Variants in GRID2 observed in about 807,000 individuals in gnomAD.
GRID2 encodes glutamate receptor ionotropic, delta-2.
GRID2 carries 33 observed loss-of-function variants against 114.8 expected under a neutral mutation model. The observed-to-expected ratio is 0.29, with a 90% CI of 0.22 to 0.38. The LOEUF (loss-of-function observed/expected upper bound fraction) is 0.38, where lower values mean the gene tolerates loss of function less well. Among genes scored for constraint, GRID2 ranks in the 10% least tolerant of loss-of-function variants. GRID2 has a pLI of 1.00. For synonymous variants in GRID2, 505 were observed against 449.9 expected (o/e 1.12, Z -1.55); for missense variants, 1,184 against 1,257.7 (o/e 0.94, Z 0.89).
chr4:92,655,565 T>C (rs1179184860), intron 2 of GRID2, among the ~76,000 whole-genome samples: 1 of 152,012 alleles, frequency 6.6e-6, no homozygotes, highest in Admixed American at 6.6e-5. Context: ...TGGTGTTTTA[T>C]AGTTTTCCTT....
chr4:93,273,360 ATT>A (rs1380271757), intron 8 of GRID2, among the ~76,000 whole-genome samples: 2 of 152,156 alleles, frequency 1.3e-5, no homozygotes, highest in Admixed American at 1.3e-4. Flanking sequence ...GAATGATTTC[ATT>A]TTTAAAAAGA....
chr4:93,134,613 A>G (rs1355635089), intron 4 of GRID2, among the ~76,000 whole-genome samples: 1 of 152,202 alleles, frequency 6.6e-6, no homozygotes, highest in Non-Finnish European at 1.5e-5. Flanking sequence ...GCTCAGTTTT[A>G]TGAACATAAT....
At chr4:93,764,791 A>G (rs571921428) in intron 14 of GRID2, among the ~76,000 whole-genome samples, 202 of 152,304 alleles carry the variant, frequency 1.3e-3, no homozygotes, top group African/African-American at 4.6e-3. Context: ...CAATAACCAC[A>G]GTAACTCTTT....
intron 1 of GRID2, among the ~76,000 whole-genome samples, chr4:92,530,834 G>C (rs1261356867): frequency 6.6e-6 from 1 of 151,960 alleles, no homozygotes; most frequent in East Asian, 1.9e-4. Context: ...TTGAACCTGG[G>C]AGGTGGAGGT....
intron 1 of GRID2, among the ~76,000 whole-genome samples, chr4:92,384,539 TA>T (rs1729802914): frequency 6.6e-5 from 3 of 45,500 alleles, no homozygotes; most frequent in African/African-American, 2.3e-4. Flanking sequence ...ATATATAATA[TA>T]ATATATAATA....
At chr4:93,735,147 G>C (rs931983056) in intron 14 of GRID2, among the ~76,000 whole-genome samples, 2 of 151,900 alleles carry the variant, frequency 1.3e-5, no homozygotes, top group African/African-American at 2.4e-5. Context: ...TGCTGAATGA[G>C]AAATTGTTAA....
At chr4:92,449,770 T>G (rs186523229) in intron 1 of GRID2, among the ~76,000 whole-genome samples, 120 of 147,782 alleles carry the variant, frequency 8.1e-4, no homozygotes, top group African/African-American at 3.0e-3. Context: ...GAAGCTTCAT[T>G]AACTCTTTCC....
At chr4:93,563,330 T>C (rs141651310) in intron 13 of GRID2, among the ~76,000 whole-genome samples, 1,830 of 152,086 alleles carry the variant, frequency 0.012, 34 homozygotes, top group African/African-American at 0.041. Flanking sequence ...CTTGTTGACC[T>C]GAACCACTGG....
At chr4:92,780,557 A>C (rs1739018072) in intron 2 of GRID2, among the ~76,000 whole-genome samples, 1 of 152,072 alleles carries the variant, frequency 6.6e-6, no homozygotes, top group Admixed American at 6.6e-5. Flanking sequence ...AGGAAGGGGG[A>C]TGAAAGAGGA....
chr4:92,801,253 T>C (rs1402860845), intron 2 of GRID2, among the ~76,000 whole-genome samples: 1 of 152,020 alleles, frequency 6.6e-6, no homozygotes, highest in African/African-American at 2.4e-5. Context: ...CAATCATTTA[T>C]CTTGTGGATA....
chr4:92,739,127 A>C (rs1265952357), intron 2 of GRID2, among the ~76,000 whole-genome samples: 1 of 152,170 alleles, frequency 6.6e-6, no homozygotes, highest in Non-Finnish European at 1.5e-5. Flanking sequence ...TCATTTTGTT[A>C]TCTCTGTCAT....
chr4:92,895,056 A>G (rs1338151909), intron 2 of GRID2, among the ~76,000 whole-genome samples: 1 of 150,824 alleles, frequency 6.6e-6, no homozygotes, highest in East Asian at 1.9e-4. Flanking sequence ...TAATCAATAT[A>G]TTATATTTGT....
intron 14 of GRID2, among the ~76,000 whole-genome samples, chr4:93,767,736 G>A (rs1200954268): frequency 6.6e-6 from 1 of 152,146 alleles, no homozygotes; most frequent in Non-Finnish European, 1.5e-5. Context: ...TTCTAGCCAT[G>A]TGGATGACAT....
In GRID2 at chr4:93,003,563, T is replaced by C. The variant is rs558132211; in HGVS notation, c.245-81432T>C. 1.4e-3 allele frequency among the ~76,000 whole-genome samples: 209 copies of C among 151,258 alleles called. 1 individual carries two copies. The highest frequency in any genetic ancestry group is 4.8e-3 in the African/African-American group (195 of 40,720). On this transcript the variant is annotated intron_variant, in intron 2 of 15. Transcript: ENST00000282020. ...TACATTTGTGATATTACTTTTCTTA[T>C]CTCTCCTCACTATTTTGAGCAATCT...
intron 2 of GRID2, among the ~76,000 whole-genome samples, chr4:92,696,624 A>G (rs902577605): frequency 6.6e-6 from 1 of 152,142 alleles, no homozygotes. Context: ...TCGTATATCC[A>G]TATTGCTGTG....
intron 14 of GRID2, among the ~76,000 whole-genome samples, chr4:93,643,683 G>A (rs1721824597): frequency 1.7e-5 from 1 of 58,726 alleles, no homozygotes; most frequent in Non-Finnish European, 3.1e-5. Flanking sequence ...CAGATCTCCA[G>A]CTGCTTGCTG....
intron 2 of GRID2, among the ~76,000 whole-genome samples, chr4:93,083,572 T>C (rs1730067819): frequency 6.6e-6 from 1 of 151,716 alleles, no homozygotes; most frequent in Non-Finnish European, 1.5e-5. Context: ...GGCACAGGCC[T>C]GTAATCCCAC....
chr4:92,600,108 G>T (rs919504253), intron 2 of GRID2, among the ~76,000 whole-genome samples: 6 of 137,094 alleles, frequency 4.4e-5, no homozygotes, highest in Middle Eastern at 4.2e-3. Flanking sequence ...ATGTATTTTA[G>T]GGGAGGGTGT....
rs1307387854 is a variant in GRID2, at chr4:92,648,885, AAT to A, written c.244+58606_244+58607del. Among the ~76,000 whole-genome samples, 4 of 146,520 alleles carry A rather than the reference AAT, an allele frequency of 2.7e-5. 1 individual carries two copies. The highest frequency in any genetic ancestry group is 7.8e-5 in the African/African-American group (3 of 38,378). On this transcript the variant is annotated intron_variant, in intron 2 of 15. Transcript: ENST00000282020. The stretch of plus-strand genomic sequence containing the variant: ...GTTGTCAAATTGATTTTTAAAATAA[AAT>A]ATATATTATCAGATACATAAATATG...
Sources: allele counts gnomAD v4.1 joint callset (sites outside exome capture counted in the v4.1 genomes callset), GRCh38; gene constraint gnomAD v4.1.1; transcripts MANE v1.5; gene names NCBI Gene and HGNC (gene_info 2026-07-23, HGNC 2026-07-21).